The following TNRC6C variants were observed in gnomAD, a reference collection of about 807,000 sequenced individuals.
The protein encoded by TNRC6C is trinucleotide repeat containing adaptor 6C.
Under a neutral mutation model 153.7 loss-of-function variants are expected in TNRC6C, and 20 were observed. The observed-to-expected ratio is 0.13, with a 90% CI of 0.09 to 0.19. The LOEUF (loss-of-function observed/expected upper bound fraction) is 0.19. Ranked by LOEUF, TNRC6C falls within the 10% of genes least tolerant of loss-of-function variation. TNRC6C has a pLI of 1.00. For synonymous variants in TNRC6C, 811 were observed against 841.4 expected (o/e 0.96, Z 0.63); for missense variants, 1,987 against 2,172.0 (o/e 0.91, Z 1.69).
chr17:77,999,964 T>C (rs1267635277), upstream of TNRC6C, among the ~76,000 whole-genome samples: 1 of 152,198 alleles, frequency 6.6e-6, no homozygotes, highest in African/African-American at 2.4e-5. Context: ...GTCTCTCTCA[T>C]ACTCCACAGG....
chr17:78,050,531 G>A lies in TNRC6C; in HGVS notation c.1469G>A (p.Gly490Glu), dbSNP rs146017016. 16 of 1,613,754 alleles carry A rather than the reference G, an allele frequency of 9.9e-6. No homozygotes were observed. In the East Asian group the frequency reaches 1.1e-4, roughly 11 times the overall value. Reference sequence around the variant, plus strand: ...GCAGCTACTCAGGCTTCAAACTCAGGGGGGAAGAACGATGGGTCCATCATG... The same window carrying A: ...GCAGCTACTCAGGCTTCAAACTCAGAGGGGAAGAACGATGGGTCCATCATG... The change falls in exon 3 of 20, where the codon GGG becomes GAG. Residue 490 changes from glycine (G) to glutamate (E), a missense_variant. By Grantham distance (98) the Gly-to-Glu change is moderately conservative (BLOSUM62 -2). This residue lies in a region of TNRC6C where 1,052 missense variants were observed against 1,017.0 expected (regional missense o/e 1.03). Coordinates refer to ENST00000301624, the Ensembl canonical transcript of TNRC6C.
intron 4 of TNRC6C, 126 bp from the exon 7 acceptor site, chr17:78,067,631 G>T: frequency 3.1e-6 from 3 of 963,080 alleles, no homozygotes; most frequent in South Asian, 4.2e-5. Context: ...TGGGAGAAAT[G>T]AAGGCATAAA....
At position 78,045,919 on chromosome 17, in the gene TNRC6C, A is replaced by G. The variant is rs143547675; in HGVS notation, c.-218-2926A>G. On this transcript the variant is annotated intron_variant, in intron 2 of 19. Coordinates refer to ENST00000301624, the Ensembl canonical transcript of TNRC6C. ...TGCCATATTTGCTTCAGGGCTCTCT[A>G]TTTTAAAAATGTTATAGGTATCATC... Among the ~76,000 whole-genome samples the G allele has an allele frequency of 1.3e-4, 20 of 151,844 alleles. 1 individual carries two copies. Among genetic ancestry groups the G allele is most frequent in the African/African-American group, 4.8e-4 (20 of 41,466 alleles).
At chr17:77,990,821 G>A (rs2071238810) in intron 1 of TNRC6C, among the ~76,000 whole-genome samples, 1 of 152,064 alleles carries the variant, frequency 6.6e-6, no homozygotes, top group African/African-American at 2.4e-5. Flanking sequence ...TTATCTAATT[G>A]GTTTTTACTC....
chr17:77,992,644 A>G (rs984491746), intron 1 of TNRC6C, among the ~76,000 whole-genome samples: 1 of 152,202 alleles, frequency 6.6e-6, no homozygotes, highest in Non-Finnish European at 1.5e-5. Context: ...AAGAGGCTGC[A>G]GAAGATGATT....
intron 1 of TNRC6C, among the ~76,000 whole-genome samples, chr17:77,993,291 C>T (rs2071280522): frequency 1.3e-5 from 2 of 152,104 alleles, no homozygotes; most frequent in African/African-American, 2.4e-5. Flanking sequence ...TAAAAGAAAC[C>T]AGAAAGCCAA....
chr17:78,032,329 T>G (rs538716910), intron 2 of TNRC6C, among the ~76,000 whole-genome samples: 1 of 152,372 alleles, frequency 6.6e-6, no homozygotes, highest in African/African-American at 2.4e-5. Context: ...TGCTTCTTGT[T>G]GCTTCCTTGC....
chr17:78,075,401 T>C lies in TNRC6C; in HGVS notation c.3060+123T>C. Reference sequence around the variant, plus strand: ...GACTATAATACTTAAGTGACTTTTATCCATTTTTTTCTAACATTATGAACA... The same window carrying C: ...GACTATAATACTTAAGTGACTTTTACCCATTTTTTTCTAACATTATGAACA... On this transcript the variant is annotated intron_variant, in intron 8 of 19. Transcript: ENST00000301624. The surrounding 1 kb of genome is among the most constrained non-coding windows in gnomAD (Gnocchi z 4.2). 8.6e-7 allele frequency: 1 copy of C among 1,159,088 alleles called. No homozygotes were observed. The highest frequency in any genetic ancestry group is 1.2e-6 in the Non-Finnish European group (1 of 843,440). 71.8% of individuals were successfully genotyped at this position (1,159,088 alleles called of 1,614,324 possible). A position where few individuals can be genotyped will look rare whatever the true frequency, so the allele number is the denominator to read the frequency against.
Position 78,049,485 on chromosome 17 carries a change from C to T in TNRC6C, c.423C>T (p.Asn141=), listed in dbSNP as rs755156990. 2.2e-5 allele frequency: 35 copies of T among 1,613,870 alleles called. No individual in the cohort carries two copies. In the South Asian group the frequency reaches 2.5e-4, roughly 12 times the overall value. ...TAGGTCAAAATATGGGCAACCAGAA[C>T]GGGAACCCAACAGGCACTTTAGGTG... Residue 141 remains asparagine (N), a synonymous_variant, in exon 3 of 20, where the codon AAC becomes AAT. Coordinates refer to ENST00000301624, the Ensembl canonical transcript of TNRC6C. This position sits in a 1 kb window ranked among gnomAD's most constrained non-coding sequence, Gnocchi z 4.1.
exon 20 of TNRC6C, chr17:78,107,591 C>G (rs769489596): frequency 2.6e-5 from 4 of 152,272 alleles, no homozygotes; most frequent in Non-Finnish European, 5.9e-5. Flanking sequence ...ACCTCTCTCA[C>G]GAGTGAACTC....
intron 1 of TNRC6C, among the ~76,000 whole-genome samples, chr17:78,028,596 G>A (rs376785391): frequency 3.3e-5 from 5 of 152,274 alleles, no homozygotes; most frequent in Admixed American, 2.0e-4. Context: ...ACAATGTAGC[G>A]TTCACATGGT....
At chr17:77,994,488 G>A (rs553288815) in intron 1 of TNRC6C, among the ~76,000 whole-genome samples, 1 of 152,284 alleles carries the variant, frequency 6.6e-6, no homozygotes, top group South Asian at 2.1e-4. Context: ...AATCCACACA[G>A]TTAACAGTCC....
chr17:78,096,619 T>C (rs1255379604), intron 16 of TNRC6C, among the ~76,000 whole-genome samples: 1 of 152,206 alleles, frequency 6.6e-6, no homozygotes, highest in African/African-American at 2.4e-5. Flanking sequence ...ACGGCTGAGA[T>C]GCCATGGCTT....
At chr17:77,998,299 A>G (rs1246932451) in intron 1 of TNRC6C, among the ~76,000 whole-genome samples, 1 of 152,200 alleles carries the variant, frequency 6.6e-6, no homozygotes, top group African/African-American at 2.4e-5. Context: ...TATACGTTAT[A>G]TCCAAGTATA....
At chr17:78,077,427 A>T (rs773755876) in intron 9 of TNRC6C, 93 bp downstream of exon 11, 71 of 1,456,024 alleles carry the variant, frequency 4.9e-5, no homozygotes, top group Non-Finnish European at 6.4e-5. Flanking sequence ...TTTATAGTTA[A>T]TACCTCTATT....
chr17:78,067,152 G>T (rs1483428253), intron 4 of TNRC6C: 1 of 152,146 alleles, frequency 6.6e-6, no homozygotes, highest in East Asian at 1.9e-4. Flanking sequence ...AGACCAGCCT[G>T]GGCAACATAG....
chr17:78,100,772 T>TC (rs979551850), intron 17 of TNRC6C, among the ~76,000 whole-genome samples: 14 of 70,306 alleles, frequency 2.0e-4, no homozygotes, highest in African/African-American at 8.6e-4. Context: ...GGGATTTCCT[T>TC]TTTTTTTTTT....
exon 4 of TNRC6C, chr17:78,064,805 G>C (rs1282846191): frequency 1.2e-6 from 2 of 1,613,878 alleles, no homozygotes; most frequent in Non-Finnish European, 1.7e-6. Context: ...TTCTACCCTG[G>C]TGGATAATGG....
chr17:78,072,928 G>T, intron 6 of TNRC6C, 109 bp from the exon 9 acceptor site: 1 of 739,526 alleles, frequency 1.4e-6, no homozygotes, highest in East Asian at 2.8e-5. Context: ...TGTATTTCCA[G>T]TTCCAAAACC....
Sources: gnomAD v4.1 joint callset for allele counts (sites outside exome capture counted in the v4.1 genomes callset) on GRCh38, gnomAD v4.1.1 for gene constraint, gnomAD v4.1.1 regional missense constraint, Gnocchi (gnomAD v3.1) non-coding constraint, MANE v1.5 for transcripts, NCBI Gene and HGNC (gene_info 2026-07-23, HGNC 2026-07-21) for gene names.